CTNNA2: variants seen among roughly 807,000 people sequenced by gnomAD.
CTNNA2 encodes the protein catenin alpha-2.
A neutral mutation model predicts 101.0 loss-of-function variants in CTNNA2; 42 were observed. The observed-to-expected ratio is 0.42, with a 90% CI of 0.32 to 0.54. The LOEUF (loss-of-function observed/expected upper bound fraction) is 0.54, where lower values mean the gene tolerates loss of function less well. Ranked by LOEUF, CTNNA2 falls within the 20% of genes least tolerant of loss-of-function variation. The pLI is 0.14. For missense variants in CTNNA2, 871 were observed against 1,223.1 expected, an observed-to-expected ratio of 0.71 and a Z score of 4.29; for synonymous variants, 450 against 456.4, an observed-to-expected ratio of 0.99 and a Z score of 0.18.
chr2:80,313,725 T>C, intron 7 of CTNNA2: 1 of 1,153,484 alleles, frequency 8.7e-7, no homozygotes, highest in Admixed American at 2.1e-5. Flanking sequence ...CAACTAGAAA[T>C]ATGATTTCCA....
intron 9 of CTNNA2, among the ~76,000 whole-genome samples, chr2:80,461,247 A>T (rs934986544): frequency 2.0e-5 from 3 of 152,130 alleles, no homozygotes; most frequent in Admixed American, 6.5e-5. Context: ...TGTCTGATGA[A>T]GTTCCTTATC....
At chr2:79,583,910 T>C (rs1676306972) in intron 1 of CTNNA2, among the ~76,000 whole-genome samples, 1 of 152,194 alleles carries the variant, frequency 6.6e-6, no homozygotes, top group Non-Finnish European at 1.5e-5. Context: ...TTCATTGTTT[T>C]CTTTAACCTG....
At chr2:80,088,783 CTT>C (rs1699600231) in intron 7 of CTNNA2, among the ~76,000 whole-genome samples, 1 of 152,008 alleles carries the variant, frequency 6.6e-6, no homozygotes, top group Non-Finnish European at 1.5e-5. Context: ...ACTTGGGACA[CTT>C]TATCTTTAGA....
chr2:79,879,293 A>G (rs952601495), intron 6 of CTNNA2, among the ~76,000 whole-genome samples: 19 of 152,152 alleles, frequency 1.2e-4, no homozygotes, highest in Non-Finnish European at 2.9e-5. Flanking sequence ...TGTCTTGGCT[A>G]TACGGGGTCT....
intron 4 of CTNNA2, among the ~76,000 whole-genome samples, chr2:79,499,590 C>T (rs74704434): frequency 0.036 from 5,423 of 152,266 alleles, 179 homozygotes; most frequent in Admixed American, 0.089. Flanking sequence ...AGATTTCTTA[C>T]GCCACCTATG....
chr2:79,946,372 C>A (rs11897837), intron 7 of CTNNA2, among the ~76,000 whole-genome samples: 4 of 152,114 alleles, frequency 2.6e-5, no homozygotes, highest in African/African-American at 9.7e-5. Context: ...TTTGGAGACC[C>A]TTTGGCTCAC....
intron 7 of CTNNA2, among the ~76,000 whole-genome samples, chr2:80,035,991 A>G (rs1695621488): frequency 6.6e-6 from 1 of 152,240 alleles, no homozygotes; most frequent in Admixed American, 6.5e-5. Flanking sequence ...TACATGAGCC[A>G]CAGCAAGTCT....
At chr2:79,483,256 C>T (rs1049218054) in intron 4 of CTNNA2, among the ~76,000 whole-genome samples, 1 of 152,204 alleles carries the variant, frequency 6.6e-6, no homozygotes, top group African/African-American at 2.4e-5. Context: ...TCCCCATCTA[C>T]ATTTCATTTG....
At chr2:80,086,647 A>G (rs1253590764) in intron 7 of CTNNA2, among the ~76,000 whole-genome samples, 2 of 152,056 alleles carry the variant, frequency 1.3e-5, no homozygotes, top group Non-Finnish European at 2.9e-5. Context: ...AACTGAAGTT[A>G]CTAAATTAGC....
chr2:80,546,291 A>C (rs1692053256), intron 11 of CTNNA2, among the ~76,000 whole-genome samples: 1 of 152,214 alleles, frequency 6.6e-6, no homozygotes, highest in African/African-American at 2.4e-5. Context: ...ACATTATTTA[A>C]GGTGGCTTAT....
At chr2:79,206,616 C>A (rs17016552) in intron 2 of CTNNA2, among the ~76,000 whole-genome samples, 1 of 151,912 alleles carries the variant, frequency 6.6e-6, no homozygotes. Context: ...TATGAGTGAC[C>A]ATGATACATC....
intron 3 of CTNNA2, among the ~76,000 whole-genome samples, chr2:79,345,482 C>A (rs1346873099): frequency 6.6e-6 from 1 of 152,164 alleles, no homozygotes; most frequent in African/African-American, 2.4e-5. Flanking sequence ...AAGACAATGA[C>A]CTCTCCTTTA....
intron 3 of CTNNA2, among the ~76,000 whole-genome samples, chr2:79,813,216 T>G (rs918606632): frequency 6.6e-6 from 1 of 152,206 alleles, no homozygotes; most frequent in African/African-American, 2.4e-5. Flanking sequence ...TTGCTGATCC[T>G]GGGCACACTC....
At chr2:79,832,808 A>T (rs957546739) in intron 3 of CTNNA2, among the ~76,000 whole-genome samples, 3 of 152,296 alleles carry the variant, frequency 2.0e-5, no homozygotes, top group East Asian at 3.9e-4. Flanking sequence ...CGCAGTGGTT[A>T]TTCAAGAGTG....
chr2:79,285,293 T>G (rs1346142630), intron 2 of CTNNA2, among the ~76,000 whole-genome samples: 2 of 150,824 alleles, frequency 1.3e-5, no homozygotes, highest in African/African-American at 4.9e-5. Flanking sequence ...TGTCTTCTGC[T>G]AGCTTTTGAA....
intron 17 of CTNNA2, among the ~76,000 whole-genome samples, chr2:80,610,951 T>C (rs1698418415): frequency 1.3e-5 from 2 of 151,170 alleles, no homozygotes; most frequent in East Asian, 2.0e-4. Context: ...CTGTGTATGC[T>C]CATCCACACA....
rs1680308131 is a variant in CTNNA2 at position 80,419,328 on chromosome 2, A to G, written c.1138-121A>G. The G allele has an allele frequency of 1.8e-5, 14 of 761,930 alleles. 1 individual carries two copies. The South Asian group carries it at 1.9e-4, about 11-fold the overall frequency. The allele number at this position is 761,930 out of a possible 1,614,324, so 47.2% of individuals were successfully genotyped here. A position where few individuals can be genotyped will look rare whatever the true frequency, so the allele number is the denominator to read the frequency against. On this transcript the variant is annotated intron_variant, in intron 8 of 18. Transcript: ENST00000402739. ...TAATGTAAGCACTGGGAAAATTTTA[A>G]AAAGAAAATAGGAATATTATCTCCA... is the stretch of plus-strand genomic sequence containing the variant.
intron 7 of CTNNA2, among the ~76,000 whole-genome samples, chr2:80,107,778 C>T (rs936906959): frequency 6.6e-6 from 1 of 152,218 alleles, no homozygotes; most frequent in East Asian, 1.9e-4. Context: ...CTGTAACACA[C>T]CCTCTGGGGT....
At chr2:79,273,384 G>A (rs1238192098) in intron 2 of CTNNA2, among the ~76,000 whole-genome samples, 3 of 152,004 alleles carry the variant, frequency 2.0e-5, no homozygotes, top group Non-Finnish European at 4.4e-5. Flanking sequence ...TTTAGCCTGA[G>A]ATAACTTTGC....
Sources: allele counts gnomAD v4.1 joint callset (sites outside exome capture counted in the v4.1 genomes callset), GRCh38; gene constraint gnomAD v4.1.1; transcripts MANE v1.5; gene names NCBI Gene and HGNC (gene_info 2026-07-23, HGNC 2026-07-21).